KCNJ3: variants seen among roughly 807,000 people sequenced by gnomAD.
KCNJ3 encodes G protein-activated inward rectifier potassium channel 1.
Under a neutral mutation model 39.2 loss-of-function variants are expected in KCNJ3, and 4 were observed. The observed-to-expected ratio is 0.10, with a 90% CI of 0.05 to 0.23. The LOEUF (loss-of-function observed/expected upper bound fraction) is 0.23, where lower values mean the gene tolerates loss of function less well. Ranked by LOEUF, KCNJ3 falls within the 10% of genes least tolerant of loss-of-function variation. The probability of loss-of-function intolerance (pLI) is 1.00; values close to 1 mark genes in which losing one functional copy is unlikely to be tolerated. For synonymous variants in KCNJ3, 230 were observed against 237.4 expected, an observed-to-expected ratio of 0.97 and a Z score of 0.29; for missense variants, 276 against 634.9, an observed-to-expected ratio of 0.43 and a Z score of 6.08.
chr2:154,716,313 G>T lies in KCNJ3; in HGVS notation c.919+6494G>T, dbSNP rs373244351. Among the ~76,000 whole-genome samples the T allele has an allele frequency of 4.4e-5, 6 of 137,210 alleles. No homozygotes were observed. In the East Asian group the frequency reaches 1.1e-3, roughly 25 times the overall value. The allele number at this position is 137,210 out of a possible 152,430, so 90.0% of individuals were successfully genotyped here. Reference sequence around the variant, plus strand: ...TTTTTTTTTTTGTATTTTTAGTAGAGATGGGGTTTCACCGTGTTCGCCAGG... The same window carrying T: ...TTTTTTTTTTTGTATTTTTAGTAGATATGGGGTTTCACCGTGTTCGCCAGG... On this transcript the variant is annotated intron_variant, in intron 2 of 2. Transcript: ENST00000295101.
chr2:154,838,426 C>G (rs1239263131), intron 2 of KCNJ3, among the ~76,000 whole-genome samples: 1 of 152,132 alleles, frequency 6.6e-6, no homozygotes, highest in Non-Finnish European at 1.5e-5. Flanking sequence ...GTGACTTTAC[C>G]TCCCTGTACC....
At chr2:154,708,986 C>A (rs1391053055) in intron 1 of KCNJ3, among the ~76,000 whole-genome samples, 2 of 152,082 alleles carry the variant, frequency 1.3e-5, no homozygotes, top group Non-Finnish European at 1.5e-5. Context: ...GTTTGAAAAC[C>A]ATTAGCTAAC....
intron 2 of KCNJ3, among the ~76,000 whole-genome samples, chr2:154,779,787 C>A (rs991070042): frequency 1.3e-5 from 2 of 151,940 alleles, no homozygotes; most frequent in Non-Finnish European, 2.9e-5. Flanking sequence ...CCTGATCCGC[C>A]CACCTTGGCC....
intron 2 of KCNJ3, among the ~76,000 whole-genome samples, chr2:154,808,110 T>C (rs1337032639): frequency 1.3e-5 from 2 of 151,428 alleles, no homozygotes; most frequent in Non-Finnish European, 2.9e-5. Context: ...AGACATAGTC[T>C]TACTCTGTCA....
chr2:154,699,204 C>T lies in KCNJ3; in HGVS notation c.429C>T (p.Thr143=). The T allele has an allele frequency of 1.2e-6, 2 of 1,614,124 alleles. No individual in the cohort carries two copies. The highest frequency in any genetic ancestry group is 1.1e-5 in the South Asian group (1 of 91,086). ...AFLFFIETEA[T]IGYGYRYITD... is the part of the protein sequence containing the mutation. ...TCTTCTTCATCGAGACGGAGGCCAC[C>T]ATCGGCTATGGCTACCGATACATCA... Residue 143 remains threonine (T), a synonymous_variant, in exon 1 of 3, where the codon ACC becomes ACT. Transcript: ENST00000295101. This position sits in a 1 kb window ranked among gnomAD's most constrained non-coding sequence, Gnocchi z 6.4.
intron 2 of KCNJ3, among the ~76,000 whole-genome samples, chr2:154,739,216 A>T (rs750688121): frequency 1.3e-5 from 2 of 152,078 alleles, no homozygotes; most frequent in Non-Finnish European, 2.9e-5. Context: ...ATGCAAAAAG[A>T]GGTCTTAAAT....
chr2:154,709,987 T>C (rs1685074514), intron 2 of KCNJ3, 168 bp downstream of exon 2: 1 of 402,514 alleles, frequency 2.5e-6, no homozygotes, highest in Non-Finnish European at 3.4e-6. Flanking sequence ...ATTTTGAAAA[T>C]TAAAATGTAC....
At position 154,857,988 on chromosome 2, in the gene KCNJ3, G is replaced by T. The variant is rs2218503; in HGVS notation, c.*2675G>T. ...TGTGGAATAAAAATTGATTATTTTA[G>T]AAAATGTGACTGGCTTAGGACGGGG... is the stretch of plus-strand genomic sequence containing the variant. On this transcript the variant is annotated 3_prime_UTR_variant, in exon 3 of 3. Transcript: ENST00000295101. The T allele has an allele frequency of 7.2e-6, 1 of 139,080 alleles. No homozygotes were observed. The highest frequency in any genetic ancestry group is 1.5e-5 in the Non-Finnish European group (1 of 64,968). 8.6% of individuals were successfully genotyped at this position (139,080 alleles called of 1,614,324 possible). A position where few individuals can be genotyped will look rare whatever the true frequency, so the allele number is the denominator to read the frequency against.
intron 2 of KCNJ3, among the ~76,000 whole-genome samples, chr2:154,837,450 A>T (rs1687489363): frequency 6.6e-6 from 1 of 152,148 alleles, no homozygotes; most frequent in Non-Finnish European, 1.5e-5. Context: ...TGTAGCATAT[A>T]TTTATTTCAA....
intron 2 of KCNJ3, among the ~76,000 whole-genome samples, chr2:154,806,971 A>C (rs1686922892): frequency 6.6e-6 from 1 of 152,216 alleles, no homozygotes; most frequent in Non-Finnish European, 1.5e-5. Flanking sequence ...ACTGTTCTGC[A>C]TAAGAGTCTT....
Position 154,712,604 on chromosome 2 carries a change from G to T in KCNJ3, c.919+2785G>T, listed in dbSNP as rs575773273. Among the ~76,000 whole-genome samples the T allele has an allele frequency of 2.0e-5, 3 of 152,262 alleles. No individual in the cohort carries two copies. The East Asian group carries it at 5.8e-4, about 29-fold the overall frequency. ...GATATAGTGGTGACCCGGACAGAAA[G>T]AATTTCTTTCCTCAGGGGGGTTATA... is the stretch of plus-strand genomic sequence containing the variant. On this transcript the variant is annotated intron_variant, in intron 2 of 2. Transcript: ENST00000295101.
intron 2 of KCNJ3, among the ~76,000 whole-genome samples, chr2:154,838,633 A>G (rs1687514338): frequency 6.6e-6 from 1 of 152,226 alleles, no homozygotes; most frequent in African/African-American, 2.4e-5. Flanking sequence ...TGAAGGAACT[A>G]GAAAGACATG....
At chr2:154,701,848 A>G (rs911601109) in intron 1 of KCNJ3, among the ~76,000 whole-genome samples, 2 of 152,066 alleles carry the variant, frequency 1.3e-5, no homozygotes, top group Non-Finnish European at 2.9e-5. Flanking sequence ...ATCTGTGAGT[A>G]GCTCTTCAAC....
intron 2 of KCNJ3, among the ~76,000 whole-genome samples, chr2:154,750,174 C>A (rs1364828523): frequency 6.6e-6 from 1 of 151,858 alleles, no homozygotes; most frequent in African/African-American, 2.4e-5. Flanking sequence ...CTATTATGTG[C>A]AACATATAAA....
chr2:154,751,347 A>T (rs73003595), intron 2 of KCNJ3, among the ~76,000 whole-genome samples: 15,427 of 152,042 alleles, frequency 0.1, 1,419 homozygotes, highest in African/African-American at 0.23. Flanking sequence ...ATTTCATTAC[A>T]TATCAAAATA....
chr2:154,716,477 C>G (rs985065769), intron 2 of KCNJ3, among the ~76,000 whole-genome samples: 6 of 151,674 alleles, frequency 4.0e-5, no homozygotes, highest in Admixed American at 1.3e-4. Flanking sequence ...ATTATTGTAT[C>G]TCTCTATTGG....
intron 2 of KCNJ3, among the ~76,000 whole-genome samples, chr2:154,834,750 A>AAATAAAAAAT (rs1553461750): frequency 2.0e-5 from 3 of 151,648 alleles, no homozygotes; most frequent in Admixed American, 6.6e-5. Flanking sequence ...AAATAAAATA[A>AAATAAAAAAT]AAAATAGAAT....
intron 2 of KCNJ3, among the ~76,000 whole-genome samples, chr2:154,843,867 T>C (rs1169100635): frequency 6.6e-6 from 1 of 152,174 alleles, no homozygotes; most frequent in African/African-American, 2.4e-5. Context: ...GGTTTTTACC[T>C]TCCTTGCTAT....
At chr2:154,775,534 A>G (rs1259411505) in intron 2 of KCNJ3, among the ~76,000 whole-genome samples, 1 of 152,224 alleles carries the variant, frequency 6.6e-6, no homozygotes, top group Non-Finnish European at 1.5e-5. Flanking sequence ...TTTCCTAAAT[A>G]TCACAGACTG....
Sources: allele counts gnomAD v4.1 joint callset (sites outside exome capture counted in the v4.1 genomes callset), GRCh38; gene constraint gnomAD v4.1.1; non-coding constraint Gnocchi (gnomAD v3.1); transcripts MANE v1.5; gene names NCBI Gene and HGNC (gene_info 2026-07-23, HGNC 2026-07-21).